MAP4: variants seen among roughly 807,000 people sequenced by gnomAD.
MAP4 encodes microtubule-associated protein 4.
Under a neutral mutation model 170.2 loss-of-function variants are expected in MAP4, and 76 were observed. The observed-to-expected ratio is 0.45, with a 90% CI of 0.37 to 0.54. The LOEUF is 0.54. Ranked by LOEUF, MAP4 falls within the 20% of genes least tolerant of loss-of-function variation. The pLI is 0.00. For missense variants in MAP4, 2,506 were observed against 2,748.0 expected (o/e 0.91, Z 1.97); for synonymous variants, 909 against 994.5 (o/e 0.91, Z 1.62).
intron 10 of MAP4, among the ~76,000 whole-genome samples, chr3:47,896,491 T>C (rs2100026943): frequency 6.6e-6 from 1 of 152,062 alleles, no homozygotes; most frequent in South Asian, 2.1e-4. Context: ...ATCATGCCAT[T>C]GCACTCCAGC....
At chr3:47,880,729 C>T (rs375724424) in intron 10 of MAP4, among the ~76,000 whole-genome samples, 6 of 152,266 alleles carry the variant, frequency 3.9e-5, no homozygotes, top group African/African-American at 1.2e-4. Context: ...TCCCAAAGTG[C>T]TGGGATTATA....
chr3:47,915,925 T>C (rs1292915583), intron 7 of MAP4, 26 bp downstream of exon 7: 2 of 1,580,264 alleles, frequency 1.3e-6, no homozygotes, highest in Non-Finnish European at 1.7e-6. Flanking sequence ...TAGAGAGAAA[T>C]ACTGAGAATA....
At chr3:47,959,683 C>T (rs927647715) in intron 3 of MAP4, among the ~76,000 whole-genome samples, 6 of 145,166 alleles carry the variant, frequency 4.1e-5, no homozygotes, top group African/African-American at 1.0e-4. Context: ...GGCGTGAACC[C>T]GGGAGGTGGA....
intron 3 of MAP4, among the ~76,000 whole-genome samples, chr3:47,929,758 C>G (rs941715295): frequency 1.3e-5 from 2 of 151,444 alleles, no homozygotes; most frequent in African/African-American, 4.9e-5. Flanking sequence ...TTAGACATGT[C>G]ACCAAAAGCA....
Position 47,912,106 on chromosome 3 carries a change from T to C in MAP4, c.2315A>G (p.Lys772Arg). ...ESTPIMMKKK[K>R]KKPKQKRYSQ... ...ATATCTCTTTTGCTTTGGTTTCTTC[T>C]TCTTTTTCTTCATCATTATTGGTGT... Residue 772 changes from lysine (K) to arginine (R), a missense_variant, in exon 9 of 21, where the codon AAG becomes AGG. By Grantham distance (26) the Lys-to-Arg change is conservative. Coordinates refer to ENST00000683076, the MANE Select transcript of MAP4 (RefSeq NM_001385682.1). 1.3e-6 allele frequency: 2 copies of C among 1,536,194 alleles called. No individual in the cohort carries two copies. Among genetic ancestry groups the C allele is most frequent in the South Asian group, 2.4e-5 (2 of 84,064 alleles).
At position 47,871,923 on chromosome 3, in the gene MAP4, G is replaced by C. The variant is rs1281670528; in HGVS notation, c.5935C>G (p.Pro1979Ala). Reference sequence around the variant, plus strand: ...AGAGAAAGGCAATACTCACCAGTGGGCTTCTTGGGCAGGAGCGTGGAGGGG... The same window carrying C: ...AGAGAAAGGCAATACTCACCAGTGGCCTTCTTGGGCAGGAGCGTGGAGGGG... Reference protein sequence around the residue: ...RSPSTLLPKKPTAIKTEGKPA... With the variant: ...RSPSTLLPKKATAIKTEGKPA... The change falls in exon 13 of 21, where the codon CCC (proline) becomes GCC (alanine). Residue 1979 changes from proline (P) to alanine (A), a missense_variant. By Grantham distance (27) the Pro-to-Ala change is conservative. This residue lies in a region of MAP4 where 487 missense variants were observed against 511.6 expected (regional missense o/e 0.95). Coordinates refer to ENST00000683076, the MANE Select transcript of MAP4 (RefSeq NM_001385682.1). 1 of 1,609,836 alleles carries C rather than the reference G, an allele frequency of 6.2e-7. No individual in the cohort carries two copies. The highest frequency in any genetic ancestry group is 1.1e-5 in the South Asian group (1 of 90,820).
chr3:47,962,803 C>G, intron 3 of MAP4, among the ~76,000 whole-genome samples: 1 of 152,156 alleles, frequency 6.6e-6, no homozygotes, highest in East Asian at 1.9e-4. Flanking sequence ...TCAGCACTAA[C>G]AGCAGCAGCA....
intron 1 of MAP4, among the ~76,000 whole-genome samples, chr3:48,047,095 AAAATAAAT>A (rs373688704): frequency 0.014 from 2,019 of 142,832 alleles, 24 homozygotes; most frequent in Middle Eastern, 0.049. Flanking sequence ...CTCCGTCTCA[AAAATAAAT>A]AAATAAATAA....
At chr3:47,975,812 C>T (rs1401167388) in intron 3 of MAP4, among the ~76,000 whole-genome samples, 5 of 147,430 alleles carry the variant, frequency 3.4e-5, no homozygotes, top group East Asian at 2.0e-4. Context: ...TTTTTTGAGA[C>T]GGAGTCTTGC....
chr3:47,891,230 T>C lies in MAP4; in HGVS notation c.5434+11720A>G, dbSNP rs111755268. 708 of 1,536,022 alleles carry C rather than the reference T, an allele frequency of 4.6e-4. 3 individuals are homozygous for C. Among genetic ancestry groups the C allele is most frequent in the Non-Finnish European group, 5.8e-4 (669 of 1,146,754 alleles). ...TTCAGGAATCTGCTCCAGCTTACTA[T>C]GGAGATATAATCCAGCAGTGCCGAG... On this transcript the variant is annotated intron_variant, in intron 10 of 20. Transcript: ENST00000683076.
chr3:47,853,095 AAGG>A, intron 20 of MAP4, 65 bp downstream of exon 20: 1 of 1,613,744 alleles, frequency 6.2e-7, no homozygotes, highest in East Asian at 2.2e-5. Flanking sequence ...GTCAAAAACA[AAGG>A]AGTTTCAATT....
intron 1 of MAP4, among the ~76,000 whole-genome samples, chr3:48,032,271 T>G (rs1031978176): frequency 6.6e-6 from 1 of 151,984 alleles, no homozygotes. Context: ...TAATAATGTA[T>G]GAAAATTGAG....
At chr3:47,924,029 G>A (rs1356578885) in intron 4 of MAP4, among the ~76,000 whole-genome samples, 2 of 152,148 alleles carry the variant, frequency 1.3e-5, no homozygotes, top group Non-Finnish European at 1.5e-5. Context: ...TTTAAGATGG[G>A]AGCTTGCTAA....
At chr3:47,926,970 G>C (rs538170410) in intron 4 of MAP4, among the ~76,000 whole-genome samples, 2 of 152,168 alleles carry the variant, frequency 1.3e-5, no homozygotes, top group South Asian at 4.2e-4. Context: ...TTTGAGATCA[G>C]CCTGGCCAAC....
rs1359095470 is a variant in MAP4 at position 47,910,897 on chromosome 3, T to C, written c.3524A>G (p.Glu1175Gly). The C allele has an allele frequency of 2.0e-6, 3 of 1,536,024 alleles. No individual in the cohort carries two copies. The highest frequency in any genetic ancestry group is 2.6e-6 in the Non-Finnish European group (3 of 1,146,924). The change falls in exon 9 of 21, where the codon GAA becomes GGA. Residue 1175 changes from glutamate (E) to glycine (G), a missense_variant. Physicochemically the swap from Glu to Gly is moderately conservative, Grantham distance 98. Transcript: ENST00000683076. ...CATATCTTTGACTACATCTCCTGTT[T>C]CTGTGCTAACACCAGAAGTCTGAGT... ...GMTQTSGVST[E>G]TGDVVKDMGV...
At chr3:47,886,178 ATGCAG>A (rs1345676270) in intron 10 of MAP4, among the ~76,000 whole-genome samples, 1 of 152,254 alleles carries the variant, frequency 6.6e-6, no homozygotes, top group Non-Finnish European at 1.5e-5. Flanking sequence ...TGATACAGGC[ATGCAG>A]TAACTCGACC....
intron 10 of MAP4, chr3:47,891,344 G>A (rs1207141066): frequency 4.6e-6 from 7 of 1,535,994 alleles, no homozygotes; most frequent in East Asian, 2.4e-5. Flanking sequence ...GATGAAAGGA[G>A]GTATCTCTTT....
rs982058863 is a variant in MAP4, at chr3:47,914,155, A to G, written c.1999+662T>C. ...TGACCAATTAATTTATATTATAGCT[A>G]AGTAAACTGAGATATAGGCAAGTTA... On this transcript the variant is annotated intron_variant, in intron 8 of 20. Coordinates refer to ENST00000683076, the MANE Select transcript of MAP4 (RefSeq NM_001385682.1). 3.9e-5 allele frequency among the ~76,000 whole-genome samples: 6 copies of G among 152,176 alleles called. No homozygotes were observed. In the East Asian group the frequency reaches 1.2e-3, roughly 29 times the overall value.
intron 3 of MAP4, among the ~76,000 whole-genome samples, chr3:47,955,087 C>T (rs1442739764): frequency 6.6e-6 from 1 of 152,102 alleles, no homozygotes; most frequent in South Asian, 2.1e-4. Context: ...TGATTTAACT[C>T]GCCAGTTTGT....
Sources: gnomAD v4.1 joint callset for allele counts (sites outside exome capture counted in the v4.1 genomes callset) on GRCh38, gnomAD v4.1.1 for gene constraint, gnomAD v4.1.1 regional missense constraint, MANE v1.5 for transcripts, NCBI Gene and HGNC (gene_info 2026-07-23, HGNC 2026-07-21) for gene names.